FRMPD2: variants seen among roughly 807,000 people sequenced by gnomAD.
FRMPD2 encodes FERM and PDZ domain containing 2, also known as FERM and PDZ domain-containing protein 2.
A neutral mutation model predicts 140.1 loss-of-function variants in FRMPD2; 96 were observed. The observed-to-expected ratio is 0.69, with a 90% CI of 0.58 to 0.81. FRMPD2 has a LOEUF of 0.81. Among genes scored for constraint, FRMPD2 ranks in the 40% least tolerant of loss-of-function variants. The probability of loss-of-function intolerance (pLI) is 0.00; values close to 1 mark genes in which losing one functional copy is unlikely to be tolerated. For synonymous variants in FRMPD2, 449 were observed against 547.6 expected (o/e 0.82, Z 2.52); for missense variants, 1,240 against 1,447.4 (o/e 0.86, Z 2.32).
chr10:48,163,150 C>T (rs1319703194), intron 28 of FRMPD2, among the ~76,000 whole-genome samples, 178 bp downstream of exon 28: 2 of 105,372 alleles, frequency 1.9e-5, no homozygotes, highest in African/African-American at 3.8e-5. Context: ...CAAAAGCTCA[C>T]AGGTGGTCAC....
chr10:48,194,062 A>G (rs1042491391), intron 15 of FRMPD2, among the ~76,000 whole-genome samples: 1 of 152,244 alleles, frequency 6.6e-6, no homozygotes, highest in Non-Finnish European at 1.5e-5. Context: ...TACTCCATAC[A>G]GAGCTTGGGC....
rs759335982 is a variant in FRMPD2 at position 48,184,905 on chromosome 10, T to A, written c.2360-24A>T. The A allele has an allele frequency of 2.0e-6, 3 of 1,536,582 alleles. 1 individual carries two copies. The highest frequency in any genetic ancestry group is 2.7e-6 in the Non-Finnish European group (3 of 1,113,978). ...CCCTGTAATCCAAGATGATAGTCCA[T>A]GATAAGATGATACTTAGTGATTTTG... On this transcript the variant is annotated intron_variant, in intron 18 of 28. Transcript: ENST00000374201.
intron 15 of FRMPD2, among the ~76,000 whole-genome samples, chr10:48,193,921 A>T (rs567506038): frequency 1.3e-5 from 2 of 152,284 alleles, no homozygotes; most frequent in African/African-American, 4.8e-5. Context: ...TTAAAAAAAA[A>T]CTTTTTGAGA....
At chr10:48,200,987 G>A (rs1018139841) in intron 15 of FRMPD2, among the ~76,000 whole-genome samples, 2 of 152,146 alleles carry the variant, frequency 1.3e-5, no homozygotes, top group African/African-American at 2.4e-5. Context: ...GGCTTTTGAT[G>A]TATATTTCCA....
chr10:48,249,247 C>T (rs1454597472), intron 2 of FRMPD2, 69 bp from the exon 3 acceptor site: 1 of 1,500,716 alleles, frequency 6.7e-7, no homozygotes, highest in Non-Finnish European at 9.1e-7. Flanking sequence ...TGGGACTGTG[C>T]CCAGCAGGTG....
chr10:48,238,134 G>C lies in FRMPD2; in HGVS notation c.789-11C>G. The C allele has an allele frequency of 6.2e-7, 1 of 1,606,736 alleles. No individual in the cohort carries two copies. Among genetic ancestry groups the C allele is most frequent in the Non-Finnish European group, 8.5e-7 (1 of 1,179,798 alleles). On this transcript the variant is annotated splice_polypyrimidine_tract_variant and intron_variant, in intron 7 of 28. Coordinates refer to ENST00000374201, the MANE Select transcript of FRMPD2 (RefSeq NM_001018071.4). ...GCTCCTGGAAGAGCGCTGGCCAGGG[G>C]TTGAGAAGGGGTGAAGCACTTAGCA...
At chr10:48,250,665 C>T (rs1480380154) in intron 2 of FRMPD2, among the ~76,000 whole-genome samples, 1 of 152,096 alleles carries the variant, frequency 6.6e-6, no homozygotes, top group Non-Finnish European at 1.5e-5. Context: ...GCCTCGGTCT[C>T]CCAAAGTGCT....
intron 1 of FRMPD2, among the ~76,000 whole-genome samples, chr10:48,261,793 T>C (rs546504425): frequency 2.2e-4 from 33 of 152,108 alleles, no homozygotes; most frequent in Non-Finnish European, 4.0e-4. Context: ...TTATGCCTTA[T>C]AAATAAGTAA....
Position 48,171,619 on chromosome 10 carries a change from T to G in FRMPD2, c.3224-411A>C, listed in dbSNP as rs1428457786. Among the ~76,000 whole-genome samples, 125 of 152,408 alleles carry G rather than the reference T, an allele frequency of 8.2e-4. No homozygotes were observed. The East Asian group carries it at 0.011, about 13-fold the overall frequency. On this transcript the variant is annotated intron_variant, in intron 25 of 28. Coordinates refer to ENST00000374201, the MANE Select transcript of FRMPD2 (RefSeq NM_001018071.4). Reference sequence around the variant, plus strand: ...ATTATTAACGAGATATTTTTTATTCTTCTTACGAACTAAGCTTTCAAAATC... The same window carrying G: ...ATTATTAACGAGATATTTTTTATTCGTCTTACGAACTAAGCTTTCAAAATC...
chr10:48,226,700 A>G (rs2131913310), intron 10 of FRMPD2, among the ~76,000 whole-genome samples: 1 of 152,350 alleles, frequency 6.6e-6, no homozygotes. Context: ...CCTTGTTGGA[A>G]TAACTCTGAT....
chr10:48,210,805 G>A (rs1014784315), intron 13 of FRMPD2, among the ~76,000 whole-genome samples: 4 of 152,238 alleles, frequency 2.6e-5, no homozygotes, highest in Admixed American at 6.5e-5. Flanking sequence ...CATGTTGGCT[G>A]TTCTGTTTTC....
chr10:48,187,279 G>A lies in FRMPD2; in HGVS notation c.2179C>T (p.Arg727Trp), dbSNP rs115907611. ...EGIGRSPCTG[R>W]EQLKSACVIQ... ...ACACAGGCACTCTTCAGCTGCTCCCGGCCAGTGCAGGGGCTGCCGGGAAAA... is the reference window on the plus strand; with the variant it reads ...ACACAGGCACTCTTCAGCTGCTCCCAGCCAGTGCAGGGGCTGCCGGGAAAA... Residue 727 changes from arginine to tryptophan, a missense_variant, in exon 17 of 29, where the codon CGG (arginine) becomes TGG (tryptophan). Transcript: ENST00000374201. 41 of 1,613,874 alleles carry A rather than the reference G, an allele frequency of 2.5e-5. No individual in the cohort carries two copies. Among genetic ancestry groups the A allele is most frequent in the Middle Eastern group, 1.6e-4 (1 of 6,062 alleles).
At chr10:48,174,762 G>A in intron 24 of FRMPD2, 108 bp downstream of exon 24, 1 of 945,408 alleles carries the variant, frequency 1.1e-6, no homozygotes, top group Admixed American at 1.9e-5. Context: ...CAAAGAAAAA[G>A]TCTTGTTTCT....
Position 48,244,793 on chromosome 10 carries a change from C to A in FRMPD2, c.366G>T (p.Pro122=). The part of the protein sequence containing the change: ...TLYWSAGFHV[P]PHQPLQLCEP... ...TATCTTGTTTACAAACCTGATGTGG[C>A]GGAACATGAAACCCTGCTGACCAGT... Residue 122 remains proline (P), a synonymous_variant, in exon 4 of 29, where the codon CCG becomes CCT. Transcript: ENST00000374201. 1 of 1,612,710 alleles carries A rather than the reference C, an allele frequency of 6.2e-7. No individual in the cohort carries two copies. Among genetic ancestry groups the A allele is most frequent in the Non-Finnish European group, 8.5e-7 (1 of 1,178,772 alleles).
chr10:48,206,023 A>G (rs1839191004), intron 14 of FRMPD2, among the ~76,000 whole-genome samples: 1 of 152,204 alleles, frequency 6.6e-6, no homozygotes, highest in Non-Finnish European at 1.5e-5. Context: ...AAAGAACTTC[A>G]TATTTTATAA....
chr10:48,171,600 A>G (rs1838258423), intron 25 of FRMPD2, among the ~76,000 whole-genome samples: 1 of 152,292 alleles, frequency 6.6e-6, no homozygotes, highest in South Asian at 2.1e-4. Context: ...AAAAATTATT[A>G]ACGAGATATT....
intron 6 of FRMPD2, 82 bp from the exon 7 acceptor site, chr10:48,239,774 G>A: frequency 1.1e-6 from 1 of 952,018 alleles, no homozygotes; most frequent in South Asian, 1.4e-5. Context: ...AGCATGAATG[G>A]CATCATGACT....
At chr10:48,239,722 G>C in intron 6 of FRMPD2, 30 bp from the exon 7 acceptor site, 1 of 1,548,902 alleles carries the variant, frequency 6.5e-7, no homozygotes. Flanking sequence ...GAGGGTATGG[G>C]CAGAAGCCAA....
chr10:48,202,318 T>C (rs1307147955), intron 14 of FRMPD2, among the ~76,000 whole-genome samples: 1 of 152,202 alleles, frequency 6.6e-6, no homozygotes, highest in Non-Finnish European at 1.5e-5. Context: ...CGGAAACCCC[T>C]GATCCTCTTT....
Sources: gnomAD v4.1 joint callset for allele counts (sites outside exome capture counted in the v4.1 genomes callset) on GRCh38, gnomAD v4.1.1 for gene constraint, MANE v1.5 for transcripts, NCBI Gene and HGNC (gene_info 2026-07-23, HGNC 2026-07-21) for gene names.